CNTN3: variants seen among roughly 807,000 people sequenced by gnomAD.
CNTN3 encodes the protein contactin-3.
In CNTN3, 60 loss-of-function variants were observed where a neutral mutation model predicts 119.1. The observed-to-expected ratio is 0.50, with a 90% CI of 0.41 to 0.62. The LOEUF (loss-of-function observed/expected upper bound fraction) is 0.62. Ranked by LOEUF, CNTN3 falls within the 20% of genes least tolerant of loss-of-function variation. The pLI, the probability that CNTN3 is intolerant of heterozygous loss-of-function variation, is 0.00. For missense variants in CNTN3, 1,101 were observed against 1,242.4 expected (o/e 0.89, Z 1.71); for synonymous variants, 450 against 438.7 (o/e 1.03, Z -0.32).
intron 1 of CNTN3, among the ~76,000 whole-genome samples, chr3:74,545,989 T>C (rs1406676272): frequency 6.6e-6 from 1 of 152,108 alleles, no homozygotes; most frequent in Non-Finnish European, 1.5e-5. Flanking sequence ...TCTTGAACTT[T>C]TTCCTTTCTT....
intron 1 of CNTN3, among the ~76,000 whole-genome samples, chr3:74,541,596 G>A (rs1228196335): frequency 6.6e-6 from 1 of 152,068 alleles, no homozygotes; most frequent in Non-Finnish European, 1.5e-5. Flanking sequence ...AATAATAAAT[G>A]TAAAATCCAA....
At chr3:74,536,888 C>T (rs1399304911) in intron 1 of CNTN3, among the ~76,000 whole-genome samples, 1 of 152,010 alleles carries the variant, frequency 6.6e-6, no homozygotes. Flanking sequence ...GAGCAGAGTG[C>T]CAGAGGGGTG....
intron 19 of CNTN3, among the ~76,000 whole-genome samples, chr3:74,291,364 T>A (rs1057213398): frequency 6.6e-6 from 1 of 152,196 alleles, no homozygotes; most frequent in Non-Finnish European, 1.5e-5. Flanking sequence ...TAAACATACA[T>A]GTGCATGTGT....
rs77354342 is a variant in CNTN3, at chr3:74,457,467, T to C, written c.358+28989A>G. Among the ~76,000 whole-genome samples, 24 of 152,084 alleles carry C rather than the reference T, an allele frequency of 1.6e-4. No homozygotes were observed. In the East Asian group the frequency reaches 4.5e-3, roughly 28 times the overall value. Reference sequence around the variant, plus strand: ...AATCTCATCTGTAGAATAGATATTATATAATAATATCATTGACCTCAGCCA... The same window carrying C: ...AATCTCATCTGTAGAATAGATATTACATAATAATATCATTGACCTCAGCCA... On this transcript the variant is annotated intron_variant, in intron 4 of 22. Transcript: ENST00000263665.
At chr3:74,518,002 T>C (rs960491710) in intron 2 of CNTN3, among the ~76,000 whole-genome samples, 2 of 151,972 alleles carry the variant, frequency 1.3e-5, no homozygotes, top group African/African-American at 4.8e-5. Flanking sequence ...TTAAATTCAT[T>C]TGAGTGAGCA....
intron 1 of CNTN3, among the ~76,000 whole-genome samples, chr3:74,562,994 T>C (rs1422001246): frequency 6.6e-6 from 1 of 152,156 alleles, no homozygotes; most frequent in African/African-American, 2.4e-5. Flanking sequence ...ATAAAGCGGC[T>C]GCAGATGTTC....
intron 19 of CNTN3, among the ~76,000 whole-genome samples, chr3:74,292,550 G>C (rs1575702743): frequency 6.6e-6 from 1 of 152,226 alleles, no homozygotes; most frequent in East Asian, 1.9e-4. Flanking sequence ...TGGGCAACAA[G>C]AGCGAAAACT....
At chr3:74,436,736 C>A (rs994047863) in intron 4 of CNTN3, among the ~76,000 whole-genome samples, 1 of 152,160 alleles carries the variant, frequency 6.6e-6, no homozygotes, top group African/African-American at 2.4e-5. Flanking sequence ...TTGGGCAAGA[C>A]AACCATAAAA....
In CNTN3 at chr3:74,614,558, G is replaced by C. The variant is rs1705142069; in HGVS notation, c.-248C>G. ...GCAGGCGCAGCACCCTCGTCCGCAC[G>C]GTTCCCGGCCCAGTCCACGGCGCCA... On this transcript the variant is annotated 5_prime_UTR_variant, in exon 1 of 23. Coordinates refer to ENST00000263665, the MANE Select transcript of CNTN3 (RefSeq NM_020872.3). 6.8e-6 allele frequency among the ~76,000 whole-genome samples: 1 copy of C among 147,184 alleles called. No individual in the cohort carries two copies. Among genetic ancestry groups the C allele is most frequent in the African/African-American group, 2.5e-5 (1 of 40,678 alleles).
At chr3:74,388,842 T>C (rs1341585281) in intron 5 of CNTN3, among the ~76,000 whole-genome samples, 1 of 152,348 alleles carries the variant, frequency 6.6e-6, no homozygotes, top group South Asian at 2.1e-4. Flanking sequence ...CAATTACTTA[T>C]ATTTACTTAA....
chr3:74,553,582 A>T (rs1021737484), intron 1 of CNTN3, among the ~76,000 whole-genome samples: 1 of 152,030 alleles, frequency 6.6e-6, no homozygotes, highest in African/African-American at 2.4e-5. Flanking sequence ...TTTTTCCACA[A>T]CCTCTCCAGC....
intron 19 of CNTN3, among the ~76,000 whole-genome samples, chr3:74,287,405 C>T (rs1306477481): frequency 6.6e-6 from 1 of 151,988 alleles, no homozygotes; most frequent in Non-Finnish European, 1.5e-5. Context: ...TGAAATGCAG[C>T]TTATAAAAAT....
chr3:74,337,887 T>C (rs1703434453), intron 11 of CNTN3, among the ~76,000 whole-genome samples: 2 of 152,060 alleles, frequency 1.3e-5, no homozygotes, highest in East Asian at 3.9e-4. Flanking sequence ...TAGGATAGGG[T>C]GCATCAGAAA....
intron 11 of CNTN3, among the ~76,000 whole-genome samples, chr3:74,349,365 T>G (rs768210317): frequency 1.3e-5 from 2 of 152,160 alleles, no homozygotes; most frequent in African/African-American, 2.4e-5. Context: ...CAATTAATCT[T>G]GCCTATTCAG....
At chr3:74,336,698 C>T (rs1402860748) in intron 11 of CNTN3, 40 bp from the exon 12 acceptor site, 1 of 1,490,842 alleles carries the variant, frequency 6.7e-7, no homozygotes, top group Non-Finnish European at 9.1e-7. Flanking sequence ...TATATAATAG[C>T]CATTTTTTTT....
At chr3:74,324,305 G>A (rs890583706) in intron 13 of CNTN3, among the ~76,000 whole-genome samples, 13 of 151,572 alleles carry the variant, frequency 8.6e-5, no homozygotes, top group African/African-American at 2.4e-4. Flanking sequence ...TCTGCCTCCC[G>A]GGTTCAAGCG....
Position 74,285,359 on chromosome 3 carries a change from T to A in CNTN3, c.2650A>T (p.Ser884Cys). 6.2e-7 allele frequency: 1 copy of A among 1,613,480 alleles called. No individual in the cohort carries two copies. The highest frequency in any genetic ancestry group is 8.5e-7 in the Non-Finnish European group (1 of 1,179,676). ...AYYTAVRAYN[S>C]AGAGPFSATV... ...GCGCTAAAAGGCCCAGCGCCGGCAC[T>A]GTTGTAAGCCCGGACAGCCGTGTAA... The change falls in exon 20 of 23, where the codon AGT becomes TGT. Residue 884 changes from serine to cysteine, a missense_variant. Coordinates refer to ENST00000263665, the MANE Select transcript of CNTN3 (RefSeq NM_020872.3).
At chr3:74,446,015 T>A (rs1702042864) in intron 4 of CNTN3, among the ~76,000 whole-genome samples, 1 of 152,144 alleles carries the variant, frequency 6.6e-6, no homozygotes, top group South Asian at 2.1e-4. Flanking sequence ...AAAGGCCACA[T>A]CTTTGTCCTC....
chr3:74,418,673 T>C (rs1701567445), intron 5 of CNTN3, among the ~76,000 whole-genome samples: 1 of 151,860 alleles, frequency 6.6e-6, no homozygotes, highest in Non-Finnish European at 1.5e-5. Context: ...AAATAAAACA[T>C]CAAATTTAGA....
Sources: allele counts gnomAD v4.1 joint callset (sites outside exome capture counted in the v4.1 genomes callset), GRCh38; gene constraint gnomAD v4.1.1; transcripts MANE v1.5; gene names NCBI Gene and HGNC (gene_info 2026-07-23, HGNC 2026-07-21).